Variants in IRF2 observed in about 807,000 individuals in gnomAD.
The protein encoded by IRF2 is interferon regulatory factor 2.
A neutral mutation model predicts 40.6 loss-of-function variants in IRF2; 15 were observed. The ratio of observed to expected loss-of-function variants is 0.37; its 90% CI spans 0.25 to 0.57. The LOEUF is 0.57. Among genes scored for constraint, IRF2 ranks in the 20% least tolerant of loss-of-function variants. The pLI is 0.77. For synonymous variants in IRF2, 151 were observed against 165.5 expected (o/e 0.91, Z 0.67); for missense variants, 317 against 455.7 (o/e 0.70, Z 2.77).
chr4:184,436,982 T>G (rs1044994009), intron 1 of IRF2, among the ~76,000 whole-genome samples: 8 of 152,132 alleles, frequency 5.3e-5, no homozygotes, highest in African/African-American at 1.9e-4. Context: ...ACTTCCTGGG[T>G]TCAAGAGAGC....
intron 1 of IRF2, among the ~76,000 whole-genome samples, chr4:184,469,836 G>A (rs1051091359): frequency 5.3e-5 from 8 of 152,106 alleles, no homozygotes; most frequent in Admixed American, 2.6e-4. Context: ...TGAATCCAAC[G>A]AGCCTCAGAC....
chr4:184,418,315 G>T, intron 4 of IRF2, 102 bp from the exon 5 acceptor site: 1 of 1,048,510 alleles, frequency 9.5e-7, no homozygotes, highest in Non-Finnish European at 1.5e-6. Context: ...TGAACCTGTT[G>T]CTTTAATCTG....
chr4:184,390,031 T>C (rs1736198866), intron 8 of IRF2, among the ~76,000 whole-genome samples: 1 of 152,178 alleles, frequency 6.6e-6, no homozygotes, highest in Admixed American at 6.5e-5. Flanking sequence ...CCTGCACTTT[T>C]TCTCAAAGTG....
chr4:184,445,806 G>T (rs1288806342), intron 1 of IRF2, among the ~76,000 whole-genome samples: 2 of 152,184 alleles, frequency 1.3e-5, no homozygotes, highest in Non-Finnish European at 1.5e-5. Flanking sequence ...CAGCAAAGAA[G>T]ATGTACTGGG....
chr4:184,401,177 G>T (rs368982730), intron 6 of IRF2, among the ~76,000 whole-genome samples: 2 of 152,358 alleles, frequency 1.3e-5, no homozygotes, highest in East Asian at 1.9e-4. Context: ...GACGCCAGGC[G>T]TCATGGAGAG....
chr4:184,436,000 C>A (rs1561111534), intron 1 of IRF2, among the ~76,000 whole-genome samples: 2 of 145,398 alleles, frequency 1.4e-5, no homozygotes, highest in Non-Finnish European at 3.0e-5. Context: ...TTTTTTGAGA[C>A]AGAGTCTCGC....
rs1192567905 is a variant in IRF2, at chr4:184,388,255, A to T, written c.*503T>A. 1 of 153,678 alleles carries T rather than the reference A, an allele frequency of 6.5e-6. No homozygotes were observed. Among genetic ancestry groups the T allele is most frequent in the East Asian group, 1.9e-4 (1 of 5,200 alleles). 9.5% of individuals were successfully genotyped at this position (153,678 alleles called of 1,614,324 possible). On this transcript the variant is annotated 3_prime_UTR_variant, in exon 9 of 9. Coordinates refer to ENST00000393593, the MANE Select transcript of IRF2 (RefSeq NM_002199.4). The surrounding 1 kb of genome is among the most constrained non-coding windows in gnomAD (Gnocchi z 4.6). ...ATGGGATGGGATGGGATAGGAAGAG[A>T]GGCTGGGGAATGGGCAGAGAAGGGG...
intron 1 of IRF2, among the ~76,000 whole-genome samples, chr4:184,443,354 C>T (rs1425490426): frequency 1.3e-5 from 2 of 152,150 alleles, no homozygotes; most frequent in Non-Finnish European, 2.9e-5. Flanking sequence ...TTTTTCAACC[C>T]TTGCCCTACT....
intron 7 of IRF2, among the ~76,000 whole-genome samples, chr4:184,395,329 C>G (rs912398354): frequency 2.9e-5 from 4 of 140,202 alleles, no homozygotes; most frequent in Non-Finnish European, 6.0e-5. Context: ...AGGAGAATGG[C>G]GTGAACCCGG....
chr4:184,412,175 G>C (rs188583554), intron 5 of IRF2, among the ~76,000 whole-genome samples: 2 of 152,264 alleles, frequency 1.3e-5, no homozygotes, highest in Non-Finnish European at 2.9e-5. Context: ...AAGAACCTTT[G>C]CTATAATTAC....
At chr4:184,411,012 C>T (rs1344227291) in intron 5 of IRF2, among the ~76,000 whole-genome samples, 1 of 151,760 alleles carries the variant, frequency 6.6e-6, no homozygotes, top group East Asian at 1.9e-4. Context: ...CTAATTCCAG[C>T]GGAGACTGAG....
At chr4:184,436,337 A>G (rs76986766) in intron 1 of IRF2, among the ~76,000 whole-genome samples, 1 of 152,314 alleles carries the variant, frequency 6.6e-6, no homozygotes, top group East Asian at 1.9e-4. Flanking sequence ...TTAAACACAC[A>G]TTGTTACAAG....
chr4:184,416,014 G>A (rs1463981086), intron 5 of IRF2, among the ~76,000 whole-genome samples: 4 of 152,124 alleles, frequency 2.6e-5, no homozygotes, highest in African/African-American at 9.7e-5. Context: ...GAATCAAAAC[G>A]TAGGCCTTAA....
chr4:184,414,208 C>G (rs1296213340), intron 5 of IRF2, among the ~76,000 whole-genome samples: 1 of 152,218 alleles, frequency 6.6e-6, no homozygotes, highest in Non-Finnish European at 1.5e-5. Flanking sequence ...AACTAGCACC[C>G]CTCTGTTTTA....
At position 184,440,300 on chromosome 4, in the gene IRF2, G is replaced by A. The variant is rs372901713; in HGVS notation, c.-6-11230C>T. Among the ~76,000 whole-genome samples the A allele has an allele frequency of 9.5e-4, 144 of 152,324 alleles. 1 individual carries two copies. Among genetic ancestry groups the A allele is most frequent in the African/African-American group, 3.2e-3 (135 of 41,574 alleles). ...CCGCTCTGCCCCGAGCTGCTGCAGCGTCCCTGTCCCGGCCACCCTCCCTTC... is the reference window on the plus strand; with the variant it reads ...CCGCTCTGCCCCGAGCTGCTGCAGCATCCCTGTCCCGGCCACCCTCCCTTC... On this transcript the variant is annotated intron_variant, in intron 1 of 8. Coordinates refer to ENST00000393593, the MANE Select transcript of IRF2 (RefSeq NM_002199.4).
intron 1 of IRF2, among the ~76,000 whole-genome samples, chr4:184,470,652 T>TGTAC (rs1288396770): frequency 7.3e-6 from 1 of 137,088 alleles, no homozygotes; most frequent in East Asian, 2.1e-4. Flanking sequence ...AGTGTGCCAC[T>TGTAC]GTACACCAGT....
At chr4:184,391,239 T>C (rs1736251395) in intron 7 of IRF2, among the ~76,000 whole-genome samples, 1 of 152,262 alleles carries the variant, frequency 6.6e-6, no homozygotes, top group African/African-American at 2.4e-5. Flanking sequence ...TGGGTTACTG[T>C]AGGTGGACAG....
At chr4:184,429,186 C>G (rs1360249749) in intron 1 of IRF2, 116 bp from the exon 2 acceptor site, 27 of 684,624 alleles carry the variant, frequency 3.9e-5, no homozygotes, top group South Asian at 1.8e-4. Flanking sequence ...GGCTGGGGAC[C>G]AGGGGGCTGG....
chr4:184,419,571 GAAAAA>G lies in IRF2; in HGVS notation c.88-8_88-4del, dbSNP rs70959195. On this transcript the variant is annotated splice_polypyrimidine_tract_variant and splice_region_variant and intron_variant, in intron 2 of 8. Transcript: ENST00000393593. ...GGGATCTGAAAAATCTTCTTTTCCT[GAAAAA>G]AAAAAAAAAAAAAAAGGTAAAGAAC... The G allele has an allele frequency of 8.8e-4, 798 of 911,238 alleles. No homozygotes were observed. The highest frequency in any genetic ancestry group is 1.0e-3 in the Non-Finnish European group (640 of 619,122). 56.4% of individuals were successfully genotyped at this position (911,238 alleles called of 1,614,324 possible).
Sources: gnomAD v4.1 joint callset for allele counts (sites outside exome capture counted in the v4.1 genomes callset) on GRCh38, gnomAD v4.1.1 for gene constraint, Gnocchi (gnomAD v3.1) non-coding constraint, MANE v1.5 for transcripts, NCBI Gene and HGNC (gene_info 2026-07-23, HGNC 2026-07-21) for gene names.